TMEM108: variants seen among roughly 807,000 people sequenced by gnomAD.
TMEM108 encodes the protein transmembrane protein 108, also known as cancer/testis antigen 124.
TMEM108 carries 12 observed loss-of-function variants against 35.1 expected under a neutral mutation model. The observed-to-expected ratio is 0.34, with a 90% CI of 0.22 to 0.55. The LOEUF (loss-of-function observed/expected upper bound fraction) is 0.55, where lower values mean the gene tolerates loss of function less well. TMEM108 is among the 20% of genes least tolerant of loss of function. The probability of loss-of-function intolerance (pLI) is 0.89; values close to 1 mark genes in which losing one functional copy is unlikely to be tolerated. For synonymous variants in TMEM108, 287 were observed against 308.6 expected (o/e 0.93, Z 0.73); for missense variants, 680 against 753.3 (o/e 0.90, Z 1.14).
At chr3:133,280,168 A>G (rs1042515464) in intron 3 of TMEM108, among the ~76,000 whole-genome samples, 3 of 152,174 alleles carry the variant, frequency 2.0e-5, no homozygotes, top group Non-Finnish European at 4.4e-5. Flanking sequence ...GATGCTGCCT[A>G]TCTGAGATAG....
intron 3 of TMEM108, among the ~76,000 whole-genome samples, chr3:133,276,051 G>C (rs1283270167): frequency 6.6e-6 from 1 of 152,188 alleles, no homozygotes; most frequent in Non-Finnish European, 1.5e-5. Context: ...ATTGTCTCCA[G>C]CAAGCTGAAA....
chr3:133,168,130 T>C (rs1037244251), intron 2 of TMEM108, among the ~76,000 whole-genome samples: 3 of 152,200 alleles, frequency 2.0e-5, no homozygotes, highest in African/African-American at 7.2e-5. Flanking sequence ...GAGGCATGTC[T>C]GGCCTCCCAT....
At chr3:133,168,099 G>A (rs1199373943) in intron 2 of TMEM108, among the ~76,000 whole-genome samples, 1 of 152,108 alleles carries the variant, frequency 6.6e-6, no homozygotes, top group Non-Finnish European at 1.5e-5. Context: ...TGTCTAAACT[G>A]AAAAAGGGAA....
intron 3 of TMEM108, among the ~76,000 whole-genome samples, chr3:133,288,522 G>A (rs563404075): frequency 8.5e-5 from 13 of 152,112 alleles, no homozygotes; most frequent in Non-Finnish European, 1.8e-4. Context: ...ATACGCTAGT[G>A]GTACGTGCAT....
intron 2 of TMEM108, among the ~76,000 whole-genome samples, chr3:133,217,761 G>T (rs1355970623): frequency 6.6e-6 from 1 of 151,904 alleles, no homozygotes. Context: ...TTATTTCTGG[G>T]CTCTCTGTTC....
chr3:133,204,625 T>G (rs1358628571), intron 2 of TMEM108, among the ~76,000 whole-genome samples: 1 of 152,224 alleles, frequency 6.6e-6, no homozygotes, highest in African/African-American at 2.4e-5. Context: ...ATGACTTTCT[T>G]AATACTGAGT....
At chr3:133,208,084 T>C (rs1466183313) in intron 2 of TMEM108, among the ~76,000 whole-genome samples, 1 of 152,198 alleles carries the variant, frequency 6.6e-6, no homozygotes, top group Non-Finnish European at 1.5e-5. Context: ...CATGGCATAA[T>C]AGGCCCAGAA....
intron 2 of TMEM108, among the ~76,000 whole-genome samples, chr3:133,080,771 G>C (rs568941655): frequency 4.6e-5 from 7 of 152,124 alleles, no homozygotes; most frequent in Non-Finnish European, 7.4e-5. Context: ...AATGTACCCA[G>C]TGTGAAGTAC....
intron 3 of TMEM108, 172 bp from the exon 4 acceptor site, chr3:133,379,580 T>G: frequency 4.5e-6 from 3 of 672,022 alleles, no homozygotes; most frequent in Middle Eastern, 4.2e-4. Context: ...CTAATAGACC[T>G]GCCCCAGCTC....
intron 3 of TMEM108, among the ~76,000 whole-genome samples, chr3:133,311,713 A>G (rs1264292819): frequency 6.6e-6 from 1 of 152,240 alleles, no homozygotes; most frequent in Non-Finnish European, 1.5e-5. Context: ...TACTGCTGTC[A>G]ACTCATCAAA....
chr3:133,222,115 C>T (rs991829832), intron 2 of TMEM108, among the ~76,000 whole-genome samples: 3 of 152,142 alleles, frequency 2.0e-5, no homozygotes, highest in African/African-American at 7.2e-5. Flanking sequence ...TGGTGATGAA[C>T]TCCTTCAGCT....
Position 133,337,322 on chromosome 3 carries a change from C to G in TMEM108, c.41-42430C>G, listed in dbSNP as rs533490040. ...AGCTACAGGGGCGCTTGTGTCATCCCACTCCCAGCTCCAGGTGGCTCAAAA... is the reference window on the plus strand; with the variant it reads ...AGCTACAGGGGCGCTTGTGTCATCCGACTCCCAGCTCCAGGTGGCTCAAAA... On this transcript the variant is annotated intron_variant, in intron 3 of 5. Transcript: ENST00000321871. Among the ~76,000 whole-genome samples the G allele has an allele frequency of 2.0e-5, 3 of 152,326 alleles. No homozygotes were observed. In the South Asian group the frequency reaches 6.2e-4, roughly 32 times the overall value.
intron 2 of TMEM108, among the ~76,000 whole-genome samples, chr3:133,167,074 C>G (rs779287991): frequency 2.0e-5 from 3 of 152,146 alleles, no homozygotes; most frequent in Non-Finnish European, 4.4e-5. Flanking sequence ...GAGCTAGACA[C>G]AGAATGCTGA....
chr3:133,143,374 C>T (rs974981496), intron 2 of TMEM108, among the ~76,000 whole-genome samples: 3 of 151,314 alleles, frequency 2.0e-5, no homozygotes, highest in African/African-American at 2.4e-5. Flanking sequence ...ATTCATATTC[C>T]CCAGGATATT....
chr3:133,370,680 T>G (rs1006002742), intron 3 of TMEM108, among the ~76,000 whole-genome samples: 3 of 152,340 alleles, frequency 2.0e-5, no homozygotes, highest in East Asian at 1.9e-4. Context: ...TCCATCTAAT[T>G]TGACTCTCAT....
intron 3 of TMEM108, among the ~76,000 whole-genome samples, chr3:133,251,716 G>C (rs185807906): frequency 1.3e-5 from 2 of 152,114 alleles, no homozygotes; most frequent in African/African-American, 2.4e-5. Context: ...GTCTAGTCAC[G>C]TGGTCCTATC....
At chr3:133,268,225 C>G (rs930993678) in intron 3 of TMEM108, among the ~76,000 whole-genome samples, 3 of 152,182 alleles carry the variant, frequency 2.0e-5, no homozygotes, top group African/African-American at 7.2e-5. Flanking sequence ...GGAGAAAGGT[C>G]CTTGGAACAG....
At chr3:133,276,014 C>G (rs888228220) in intron 3 of TMEM108, among the ~76,000 whole-genome samples, 36 of 152,266 alleles carry the variant, frequency 2.4e-4, no homozygotes, top group Non-Finnish European at 8.8e-5. Flanking sequence ...TAAATCATCT[C>G]CCTTGTTTTG....
chr3:133,378,387 C>T (rs2072905160), intron 3 of TMEM108: 1 of 985,392 alleles, frequency 1.0e-6, no homozygotes, highest in South Asian at 4.7e-5. Context: ...AGCTGGGGCC[C>T]CTGCTTTGGC....
Sources: gnomAD v4.1 joint callset for allele counts (sites outside exome capture counted in the v4.1 genomes callset) on GRCh38, gnomAD v4.1.1 for gene constraint, MANE v1.5 for transcripts, NCBI Gene and HGNC (gene_info 2026-07-23, HGNC 2026-07-21) for gene names.